The following STIM2 variants were observed in gnomAD, a reference collection of about 807,000 sequenced individuals.
STIM2 encodes stromal interaction molecule 2.
STIM2 carries 31 observed loss-of-function variants against 85.8 expected under a neutral mutation model. The ratio of observed to expected loss-of-function variants is 0.36; its 90% CI spans 0.27 to 0.49. The LOEUF is 0.49. Ranked by LOEUF, STIM2 falls within the 20% of genes least tolerant of loss-of-function variation. The pLI is 0.98. For missense variants in STIM2, 841 were observed against 927.6 expected (o/e 0.91, Z 1.21); for synonymous variants, 356 against 331.1 (o/e 1.08, Z -0.82).
chr4:26,988,967 C>T (rs1471290573), intron 3 of STIM2, among the ~76,000 whole-genome samples: 3 of 152,170 alleles, frequency 2.0e-5, no homozygotes, highest in South Asian at 2.1e-4. Context: ...CGGAGTCTCA[C>T]TCTGTCTCCC....
chr4:26,957,718 C>T lies in STIM2; in HGVS notation c.389C>T (p.Thr130Ile), dbSNP rs1179969347. 5.0e-6 allele frequency: 8 copies of T among 1,595,256 alleles called. No homozygotes were observed. In the South Asian group the frequency reaches 9.1e-5, roughly 18 times the overall value. ...GAGGATTTATGGAAACGATGGAAAA[C>T]ATCAGAAGGTAAGACTGCCTTTGTG... The change falls in exon 3 of 12, where the codon ACA (threonine) becomes ATA (isoleucine). Residue 130 changes from threonine to isoleucine, a missense_variant. Physicochemically the swap from Thr to Ile is moderately conservative, Grantham distance 89 (BLOSUM62 -1). Coordinates refer to ENST00000467087, the MANE Select transcript of STIM2 (RefSeq NM_020860.4).
chr4:27,007,197 A>T (rs921534024), intron 7 of STIM2, among the ~76,000 whole-genome samples: 2 of 152,024 alleles, frequency 1.3e-5, no homozygotes, highest in African/African-American at 4.8e-5. Context: ...CCCCTCAGTG[A>T]GTCTGGTTTT....
chr4:26,921,048 A>C (rs1208840125), intron 2 of STIM2, among the ~76,000 whole-genome samples: 1 of 152,134 alleles, frequency 6.6e-6, no homozygotes, highest in African/African-American at 2.4e-5. Context: ...AGTTAAGATA[A>C]AGTCATACTG....
At chr4:26,864,260 A>G (rs988650231) in intron 1 of STIM2, among the ~76,000 whole-genome samples, 2 of 152,122 alleles carry the variant, frequency 1.3e-5, no homozygotes, top group Non-Finnish European at 1.5e-5. Context: ...TACAGCGCTT[A>G]TATATTTAGG....
chr4:26,931,082 G>C (rs1304750296), intron 2 of STIM2, among the ~76,000 whole-genome samples: 1 of 152,176 alleles, frequency 6.6e-6, no homozygotes, highest in East Asian at 1.9e-4. Context: ...AATGGCTGTT[G>C]GAGATACCAG....
intron 6 of STIM2, 65 bp from the exon 7 acceptor site, chr4:27,002,862 A>G: frequency 7.5e-7 from 1 of 1,327,072 alleles, no homozygotes; most frequent in Non-Finnish European, 9.8e-7. Flanking sequence ...AGTATTCATT[A>G]TTTTGTAAAA....
At chr4:26,933,005 G>A (rs908865706) in intron 2 of STIM2, among the ~76,000 whole-genome samples, 6 of 152,166 alleles carry the variant, frequency 3.9e-5, no homozygotes, top group African/African-American at 1.4e-4. Context: ...GAAAGCAGCA[G>A]ATTAATGCTG....
intron 3 of STIM2, among the ~76,000 whole-genome samples, chr4:26,968,908 C>T (rs1726829543): frequency 6.6e-6 from 1 of 152,068 alleles, no homozygotes; most frequent in African/African-American, 2.4e-5. Context: ...TAAAGTTGAA[C>T]ATTAAAAAAT....
chr4:27,021,100 T>C, intron 11 of STIM2: 1 of 1,511,054 alleles, frequency 6.6e-7, no homozygotes. Flanking sequence ...TTCTTTAATA[T>C]CTCACTCTGT....
chr4:26,982,279 A>G (rs920929720), intron 3 of STIM2, among the ~76,000 whole-genome samples: 1 of 152,166 alleles, frequency 6.6e-6, no homozygotes, highest in Non-Finnish European at 1.5e-5. Context: ...TGCTTTGAAG[A>G]TTGATCTTCT....
At chr4:27,016,392 C>G (rs1728732572) in intron 10 of STIM2, among the ~76,000 whole-genome samples, 1 of 152,154 alleles carries the variant, frequency 6.6e-6, no homozygotes. Flanking sequence ...ATTATTCCAC[C>G]CTGGAAAATA....
Position 27,019,701 on chromosome 4 carries a change from C to T in STIM2, c.1763+1717C>T, listed in dbSNP as rs530103325. Reference sequence around the variant, plus strand: ...TTACTGATTTTTTTTTTTTATGAGACGGAGTCTCGCTCTGTTGGAATGTTC... The same window carrying T: ...TTACTGATTTTTTTTTTTTATGAGATGGAGTCTCGCTCTGTTGGAATGTTC... On this transcript the variant is annotated intron_variant, in intron 11 of 11. Transcript: ENST00000467087. 71 of 351,632 alleles carry T rather than the reference C, an allele frequency of 2.0e-4. No homozygotes were observed. In the East Asian group the frequency reaches 2.3e-3, roughly 11 times the overall value. 21.8% of individuals were successfully genotyped at this position (351,632 alleles called of 1,614,324 possible).
intron 1 of STIM2, among the ~76,000 whole-genome samples, chr4:26,888,338 A>G (rs1309978678): frequency 6.6e-6 from 1 of 152,216 alleles, no homozygotes; most frequent in Non-Finnish European, 1.5e-5. Context: ...TTTCCCCAGA[A>G]GAGGATGCGG....
intron 2 of STIM2, among the ~76,000 whole-genome samples, chr4:26,955,449 A>G (rs1577460769): frequency 6.8e-6 from 1 of 148,024 alleles, no homozygotes; most frequent in African/African-American, 2.6e-5. Flanking sequence ...TGCTATGTCC[A>G]TTATTATGAT....
chr4:27,011,348 A>G (rs1223427497), intron 10 of STIM2, among the ~76,000 whole-genome samples: 1 of 152,216 alleles, frequency 6.6e-6, no homozygotes, highest in East Asian at 1.9e-4. Flanking sequence ...CATAACTTAT[A>G]TGTTTATTTA....
chr4:26,984,901 A>G (rs1007168572), intron 3 of STIM2, among the ~76,000 whole-genome samples: 2 of 152,244 alleles, frequency 1.3e-5, no homozygotes, highest in Non-Finnish European at 1.5e-5. Context: ...TAAAAATTAC[A>G]TGTAATTCTT....
At position 26,935,986 on chromosome 4, in the gene STIM2, C is replaced by T. The variant is rs1725377577; in HGVS notation, c.282+16352C>T. ...TTGCCAAGTTCAACCTTAAAAATTTCTTTGTATGTTTTATAGGAAGTCATT... is the reference window on the plus strand; with the variant it reads ...TTGCCAAGTTCAACCTTAAAAATTTTTTTGTATGTTTTATAGGAAGTCATT... On this transcript the variant is annotated intron_variant, in intron 2 of 11. Transcript: ENST00000467087. 2.0e-5 allele frequency among the ~76,000 whole-genome samples: 3 copies of T among 152,110 alleles called. No homozygotes were observed. The South Asian group carries it at 6.2e-4, about 32-fold the overall frequency.
chr4:26,996,686 A>G (rs1727971503), intron 4 of STIM2, among the ~76,000 whole-genome samples: 1 of 152,152 alleles, frequency 6.6e-6, no homozygotes, highest in Non-Finnish European at 1.5e-5. Flanking sequence ...TGCTTGAAAG[A>G]AGACAAAAAT....
chr4:26,964,051 A>C (rs950093957), intron 3 of STIM2, among the ~76,000 whole-genome samples: 2 of 152,298 alleles, frequency 1.3e-5, no homozygotes, highest in East Asian at 1.9e-4. Flanking sequence ...GGTAAATCTG[A>C]CCATGGCACA....
Sources: gnomAD v4.1 joint callset for allele counts (sites outside exome capture counted in the v4.1 genomes callset) on GRCh38, gnomAD v4.1.1 for gene constraint, MANE v1.5 for transcripts, NCBI Gene and HGNC (gene_info 2026-07-23, HGNC 2026-07-21) for gene names.